Variants in SAMD3 observed in about 807,000 individuals in gnomAD.
SAMD3 encodes the protein sterile alpha motif domain containing 3.
Under a neutral mutation model 58.5 loss-of-function variants are expected in SAMD3, and 63 were observed. That is an observed-to-expected ratio of 1.08 (90% CI 0.88 to 1.33). The LOEUF is 1.33. Ranked by LOEUF, SAMD3 falls within the 40% of genes most tolerant of loss-of-function variation. The pLI is 0.00. For synonymous variants in SAMD3, 220 were observed against 210.3 expected (o/e 1.05, Z -0.40); for missense variants, 604 against 608.4 (o/e 0.99, Z 0.08).
chr6:130,300,113 G>A (rs1396739596), intron 2 of SAMD3, among the ~76,000 whole-genome samples: 1 of 152,068 alleles, frequency 6.6e-6, no homozygotes, highest in African/African-American at 2.4e-5. Flanking sequence ...ATTCTGTAAA[G>A]CCAGTATCAT....
chr6:130,144,432 A>G lies in SAMD3; in HGVS notation c.*88T>C. 7.9e-7 allele frequency: 1 copy of G among 1,261,912 alleles called. No individual in the cohort carries two copies. The highest frequency in any genetic ancestry group is 2.4e-5 in the East Asian group (1 of 42,518). 78.2% of individuals were successfully genotyped at this position (1,261,912 alleles called of 1,614,324 possible). On this transcript the variant is annotated 3_prime_UTR_variant, in exon 12 of 12. Transcript: ENST00000439090. The stretch of plus-strand genomic sequence containing the variant: ...AATACAAGATGATTTTCTCATACCT[A>G]CCTCTACCACAACCCTAAATCAAAA...
intron 5 of SAMD3, among the ~76,000 whole-genome samples, chr6:130,205,451 A>G (rs955931024): frequency 3.9e-5 from 6 of 152,002 alleles, no homozygotes; most frequent in African/African-American, 1.4e-4. Flanking sequence ...TTACAGGTGC[A>G]TGATACCATG....
At chr6:130,319,077 G>C (rs1334816645) in intron 1 of SAMD3, among the ~76,000 whole-genome samples, 1 of 152,074 alleles carries the variant, frequency 6.6e-6, no homozygotes, top group Non-Finnish European at 1.5e-5. Context: ...CATGGTAATA[G>C]AAATTATCCC....
At chr6:130,240,997 C>T (rs1186468514) in intron 2 of SAMD3, among the ~76,000 whole-genome samples, 2 of 152,162 alleles carry the variant, frequency 1.3e-5, no homozygotes, top group Non-Finnish European at 2.9e-5. Flanking sequence ...CTTGGAGGCA[C>T]ACTTCCTTCT....
At chr6:130,144,838 G>A (rs776856768) in intron 11 of SAMD3, 34 bp from the exon 12 acceptor site, 25 of 1,554,994 alleles carry the variant, frequency 1.6e-5, no homozygotes, top group Admixed American at 9.5e-5. Context: ...ACCATGATAC[G>A]TAAAATAGCT....
At chr6:130,257,398 C>T (rs1773962600) in intron 2 of SAMD3, among the ~76,000 whole-genome samples, 1 of 152,144 alleles carries the variant, frequency 6.6e-6, no homozygotes, top group Admixed American at 6.5e-5. Context: ...CTGCATTGAC[C>T]TGATTTAAGG....
chr6:130,223,112 A>C (rs1033592080), upstream of SAMD3, among the ~76,000 whole-genome samples: 1 of 152,242 alleles, frequency 6.6e-6, no homozygotes, highest in Admixed American at 6.5e-5. Flanking sequence ...TGGAACATTT[A>C]ATTCTTCCTT....
upstream of SAMD3, among the ~76,000 whole-genome samples, chr6:130,227,799 A>G (rs895971024): frequency 2.0e-5 from 3 of 151,782 alleles, no homozygotes; most frequent in South Asian, 6.2e-4. Flanking sequence ...AAAAAAAAAA[A>G]AAAGAAAAGA....
chr6:130,272,315 T>C (rs1399130804), intron 2 of SAMD3, among the ~76,000 whole-genome samples: 2 of 152,222 alleles, frequency 1.3e-5, no homozygotes, highest in Non-Finnish European at 2.9e-5. Flanking sequence ...CTTTATTAAA[T>C]GAATTGAATT....
chr6:130,261,098 T>C (rs1279324169), intron 2 of SAMD3, among the ~76,000 whole-genome samples: 1 of 150,346 alleles, frequency 6.7e-6, no homozygotes, highest in Non-Finnish European at 1.5e-5. Context: ...GTTTTGGTTT[T>C]GGTTTTGACT....
At chr6:130,275,804 C>G (rs1185923641) in intron 2 of SAMD3, among the ~76,000 whole-genome samples, 1 of 152,032 alleles carries the variant, frequency 6.6e-6, no homozygotes, top group African/African-American at 2.4e-5. Flanking sequence ...CAATCCATAT[C>G]AGTATGGTTG....
intron 4 of SAMD3, among the ~76,000 whole-genome samples, chr6:130,212,329 T>G (rs1795646941): frequency 6.6e-6 from 1 of 152,178 alleles, no homozygotes; most frequent in Non-Finnish European, 1.5e-5. Context: ...TAATTTAATC[T>G]AAATACAAGA....
intron 1 of SAMD3, among the ~76,000 whole-genome samples, chr6:130,333,564 G>C: frequency 6.6e-6 from 1 of 152,116 alleles, no homozygotes; most frequent in Non-Finnish European, 1.5e-5. Context: ...AATTCCACTG[G>C]AAGCTGAGTC....
chr6:130,235,400 T>A (rs972416832), intron 2 of SAMD3, among the ~76,000 whole-genome samples: 2 of 152,206 alleles, frequency 1.3e-5, no homozygotes, highest in Admixed American at 6.5e-5. Flanking sequence ...TGCTTGAGCA[T>A]TGTAGTGAGT....
At chr6:130,296,627 C>T (rs1384972551) in intron 2 of SAMD3, among the ~76,000 whole-genome samples, 1 of 152,134 alleles carries the variant, frequency 6.6e-6, no homozygotes, top group Non-Finnish European at 1.5e-5. Context: ...AAAGTGAGTC[C>T]ATGCCGTTTG....
At chr6:130,172,250 T>A (rs1010864001) in intron 8 of SAMD3, among the ~76,000 whole-genome samples, 1 of 152,240 alleles carries the variant, frequency 6.6e-6, no homozygotes, top group East Asian at 1.9e-4. Context: ...GATCCTGTCA[T>A]CATGATGCTA....
At chr6:130,209,851 A>G (rs556119645) in intron 4 of SAMD3, among the ~76,000 whole-genome samples, 1 of 152,322 alleles carries the variant, frequency 6.6e-6, no homozygotes, top group East Asian at 1.9e-4. Context: ...TCACCAGTCT[A>G]TCCTATTTTT....
At chr6:130,350,664 T>G (rs978104435) in intron 1 of SAMD3, among the ~76,000 whole-genome samples, 2 of 152,172 alleles carry the variant, frequency 1.3e-5, no homozygotes, top group Non-Finnish European at 2.9e-5. Context: ...AATTTATAGA[T>G]TCAATGCCAT....
intron 2 of SAMD3, among the ~76,000 whole-genome samples, chr6:130,307,519 A>G (rs1162725562): frequency 6.6e-6 from 1 of 152,206 alleles, no homozygotes; most frequent in Non-Finnish European, 1.5e-5. Flanking sequence ...GAATTAGAAT[A>G]TTGATTTAAG....
Sources: gnomAD v4.1 joint callset for allele counts (sites outside exome capture counted in the v4.1 genomes callset) on GRCh38, gnomAD v4.1.1 for gene constraint, MANE v1.5 for transcripts, NCBI Gene and HGNC (gene_info 2026-07-23, HGNC 2026-07-21) for gene names.